The following GRM5 variants were observed in gnomAD, a reference collection of about 807,000 sequenced individuals.
GRM5 encodes glutamate metabotropic receptor 5, also known as metabotropic glutamate receptor 5.
Under a neutral mutation model 83.1 loss-of-function variants are expected in GRM5, and 19 were observed. The observed-to-expected ratio is 0.23, with a 90% confidence interval of 0.16 to 0.34. GRM5 has a LOEUF of 0.34. GRM5 is among the 10% of genes least tolerant of loss of function. The probability of loss-of-function intolerance (pLI) is 1.00; values close to 1 mark genes in which losing one functional copy is unlikely to be tolerated. For missense variants in GRM5, 1,160 were observed against 1,588.3 expected (o/e 0.73, Z 4.58); for synonymous variants, 675 against 633.6 (o/e 1.07, Z -0.98).
intron 8 of GRM5, among the ~76,000 whole-genome samples, chr11:88,547,984 TG>T (rs1159270576): frequency 6.6e-6 from 1 of 152,066 alleles, no homozygotes; most frequent in African/African-American, 2.4e-5. Context: ...AAATGCCTTG[TG>T]GGAGGTGGGG....
At chr11:88,784,286 T>A (rs1239033184) in intron 3 of GRM5, among the ~76,000 whole-genome samples, 1 of 152,054 alleles carries the variant, frequency 6.6e-6, no homozygotes, top group Non-Finnish European at 1.5e-5. Flanking sequence ...ATTTTCAATA[T>A]CTTAGAGTGA....
intron 3 of GRM5, among the ~76,000 whole-genome samples, chr11:88,761,193 C>G (rs969235094): frequency 2.6e-5 from 4 of 152,104 alleles, no homozygotes; most frequent in African/African-American, 9.7e-5. Flanking sequence ...ATTCGAAGTC[C>G]TGGCCAGAGA....
chr11:88,594,142 C>T (rs1937734601), intron 6 of GRM5, among the ~76,000 whole-genome samples: 1 of 152,030 alleles, frequency 6.6e-6, no homozygotes, highest in Admixed American at 6.6e-5. Context: ...CAAAAATAAA[C>T]AAAAATTATG....
At chr11:89,031,281 C>T (rs1941255474) in intron 2 of GRM5, among the ~76,000 whole-genome samples, 1 of 151,866 alleles carries the variant, frequency 6.6e-6, no homozygotes, top group Non-Finnish European at 1.5e-5. Flanking sequence ...TACAATATTG[C>T]TATTATAAGT....
Position 88,604,822 on chromosome 11 carries a change from C to T in GRM5, c.1290G>A (p.Lys430=). 1.2e-6 allele frequency: 2 copies of T among 1,613,978 alleles called. No homozygotes were observed. Among genetic ancestry groups the T allele is most frequent in the Non-Finnish European group, 1.7e-6 (2 of 1,179,868 alleles). Residue 430 remains lysine (K), a synonymous_variant, in exon 5 of 10, where the codon AAG becomes AAA. Coordinates refer to ENST00000305447, the MANE Select transcript of GRM5 (RefSeq NM_001143831.3). ...CCAAAAGTTTCCGTCCATCAATTGG[C>T]TTCATGGCATCACAGAGTCCTGCAT... ...PGYAGLCDAM[K]PIDGRKLLES...
chr11:88,711,579 C>T (rs1941280681), intron 3 of GRM5, among the ~76,000 whole-genome samples: 1 of 152,004 alleles, frequency 6.6e-6, no homozygotes, highest in Non-Finnish European at 1.5e-5. Flanking sequence ...GTACTAAGCA[C>T]TTGTTGGCTA....
chr11:88,556,324 C>CTTTTT (rs377331160), intron 8 of GRM5, among the ~76,000 whole-genome samples: 15 of 129,736 alleles, frequency 1.2e-4, no homozygotes, highest in East Asian at 6.6e-4. Flanking sequence ...CTTTTCTTTT[C>CTTTTT]TTTTTTTTTT....
chr11:88,624,248 G>C (rs1938723147), intron 4 of GRM5, among the ~76,000 whole-genome samples: 1 of 152,210 alleles, frequency 6.6e-6, no homozygotes, highest in African/African-American at 2.4e-5. Context: ...ATCTGGAATA[G>C]CATAGGCCTT....
intron 4 of GRM5, among the ~76,000 whole-genome samples, chr11:88,623,933 A>G (rs769188677): frequency 3.9e-5 from 6 of 152,170 alleles, no homozygotes; most frequent in Non-Finnish European, 2.9e-5. Context: ...TCAAACTAAA[A>G]TTGGTTTTTA....
chr11:88,794,741 G>A (rs1943242420), intron 3 of GRM5, among the ~76,000 whole-genome samples: 1 of 152,194 alleles, frequency 6.6e-6, no homozygotes, highest in South Asian at 2.1e-4. Context: ...GTGTTAAGGT[G>A]AAGCATCATA....
At chr11:88,707,070 T>G (rs1164349943) in intron 3 of GRM5, among the ~76,000 whole-genome samples, 1 of 152,072 alleles carries the variant, frequency 6.6e-6, no homozygotes, top group Non-Finnish European at 1.5e-5. Context: ...TCTGAGTCCC[T>G]CCAGGAGAAC....
intron 2 of GRM5, among the ~76,000 whole-genome samples, chr11:88,872,862 C>T (rs929979415): frequency 6.6e-6 from 1 of 151,270 alleles, no homozygotes; most frequent in Admixed American, 6.6e-5. Context: ...TAACCCCTTA[C>T]CTATCATTTA....
At chr11:88,939,680 T>C (rs1222466926) in intron 2 of GRM5, among the ~76,000 whole-genome samples, 2 of 151,812 alleles carry the variant, frequency 1.3e-5, no homozygotes, top group Non-Finnish European at 2.9e-5. Flanking sequence ...ATAATAATAT[T>C]CTAATACGTA....
intron 2 of GRM5, among the ~76,000 whole-genome samples, chr11:88,951,076 A>T (rs1938445845): frequency 6.6e-6 from 1 of 151,184 alleles, no homozygotes; most frequent in African/African-American, 2.4e-5. Context: ...GGCAGATTAG[A>T]GTGTGTGTGT....
At chr11:88,743,256 T>C (rs993864859) in intron 3 of GRM5, among the ~76,000 whole-genome samples, 2 of 152,060 alleles carry the variant, frequency 1.3e-5, no homozygotes, top group African/African-American at 4.8e-5. Context: ...GAGGAAAATA[T>C]CAAGAGAAAA....
At chr11:88,712,504 GA>G (rs1941305243) in intron 3 of GRM5, among the ~76,000 whole-genome samples, 1 of 152,028 alleles carries the variant, frequency 6.6e-6, no homozygotes, top group South Asian at 2.1e-4. Context: ...GCTTCTCTGT[GA>G]AATTGAGTCT....
intron 3 of GRM5, among the ~76,000 whole-genome samples, chr11:88,684,521 A>AG (rs1940571817): frequency 6.6e-6 from 1 of 152,190 alleles, no homozygotes; most frequent in Non-Finnish European, 1.5e-5. Flanking sequence ...AATAGAGAGG[A>AG]GCAAAGGGTG....
chr11:89,048,666 G>A (rs1478790152), intron 1 of GRM5, among the ~76,000 whole-genome samples: 8 of 152,148 alleles, frequency 5.3e-5, no homozygotes, highest in Admixed American at 1.3e-4. Context: ...AATTAATGTG[G>A]AAGATATAAT....
At chr11:88,733,008 T>C (rs1375260742) in intron 3 of GRM5, among the ~76,000 whole-genome samples, 1 of 152,178 alleles carries the variant, frequency 6.6e-6, no homozygotes, top group African/African-American at 2.4e-5. Flanking sequence ...TATAGCACAA[T>C]CTATTGATCT....
Sources: allele counts gnomAD v4.1 joint callset (sites outside exome capture counted in the v4.1 genomes callset), GRCh38; gene constraint gnomAD v4.1.1; transcripts MANE v1.5; gene names NCBI Gene and HGNC (gene_info 2026-07-23, HGNC 2026-07-21).